The following TAS2R1 variants were observed in gnomAD, a reference collection of about 807,000 sequenced individuals.
The protein encoded by TAS2R1 is taste receptor type 2 member 1.
For missense variants in TAS2R1, 370 were observed against 353.4 expected, an observed-to-expected ratio of 1.05 and a Z score of -0.38; for synonymous variants, 141 against 134.2, an observed-to-expected ratio of 1.05 and a Z score of -0.35.
the TAS2R1 span, among the ~76,000 whole-genome samples, chr5:9,872,931 C>A: frequency 6.6e-6 from 1 of 152,192 alleles, no homozygotes; most frequent in Non-Finnish European, 1.5e-5. Context: ...GTCAGACATG[C>A]TCTGGCCTAA....
the TAS2R1 span, among the ~76,000 whole-genome samples, chr5:9,739,341 G>T: frequency 1.4e-5 from 2 of 145,380 alleles, no homozygotes; most frequent in Admixed American, 1.3e-4. Context: ...TGCAGGTCAG[G>T]GTGTCAACAG....
the TAS2R1 span, among the ~76,000 whole-genome samples, chr5:9,851,300 G>A: frequency 2.6e-5 from 4 of 152,170 alleles, no homozygotes; most frequent in African/African-American, 9.7e-5. Flanking sequence ...GTCTGAAGGC[G>A]CATGTTGGCT....
At position 9,630,010 on chromosome 5, in the gene TAS2R1, A is replaced by T; in HGVS notation, c.23T>A (p.Ile8Asn). MLESHLI[I>N]YFLLAVIQFL... ...TTGTATCACTGCAAGAAGAAAATAG[A>T]TAATGAGGTGAGACTCTAGCATTTT... Residue 8 changes from isoleucine (I) to asparagine (N), a missense_variant, in exon 1 of 1, where the codon ATC becomes AAC. Ile to Asn is a moderately radical substitution (Grantham distance 149, BLOSUM62 -3). Coordinates refer to ENST00000382492, the MANE Select transcript of TAS2R1 (RefSeq NM_019599.3). 1 of 1,580,212 alleles carries T rather than the reference A, an allele frequency of 6.3e-7. No homozygotes were observed.
At chr5:9,699,257 G>T (rs553762256) in intron 1 of TAS2R1, among the ~76,000 whole-genome samples, 1 of 152,302 alleles carries the variant, frequency 6.6e-6, no homozygotes, top group African/African-American at 2.4e-5. Flanking sequence ...GAACATGTAA[G>T]TTCAATCAGA....
At chr5:9,660,705 A>G (rs2126495277) in intron 1 of TAS2R1, among the ~76,000 whole-genome samples, 1 of 152,318 alleles carries the variant, frequency 6.6e-6, no homozygotes, top group Non-Finnish European at 1.5e-5. Context: ...AAGGCTACAT[A>G]TCTTGAGATG....
chr5:9,812,465 AG>A, the TAS2R1 span, among the ~76,000 whole-genome samples: 1 of 152,098 alleles, frequency 6.6e-6, no homozygotes, highest in African/African-American at 2.4e-5. Flanking sequence ...TGTGAAGGTA[AG>A]GGGGGCCAGA....
At chr5:9,643,268 T>G (rs1015755561) in intron 2 of TAS2R1, among the ~76,000 whole-genome samples, 9 of 152,192 alleles carry the variant, frequency 5.9e-5, no homozygotes, top group African/African-American at 2.2e-4. Flanking sequence ...ACACTTAGGC[T>G]GTATGGTATA....
At chr5:9,886,718 C>A in the TAS2R1 span, among the ~76,000 whole-genome samples, 1 of 152,038 alleles carries the variant, frequency 6.6e-6, no homozygotes, top group African/African-American at 2.4e-5. Flanking sequence ...CATTTCAATG[C>A]GTAATCAGAA....
chr5:9,663,543 G>A (rs1195360936), intron 1 of TAS2R1, among the ~76,000 whole-genome samples: 1 of 152,134 alleles, frequency 6.6e-6, no homozygotes, highest in East Asian at 1.9e-4. Context: ...ATTAGGGAAG[G>A]TTTATGTCGT....
At chr5:9,852,703 G>C in the TAS2R1 span, among the ~76,000 whole-genome samples, 1 of 152,146 alleles carries the variant, frequency 6.6e-6, no homozygotes, top group Non-Finnish European at 1.5e-5. Flanking sequence ...GAGACAGTCG[G>C]GCAATAGCCC....
At chr5:9,890,198 C>A in the TAS2R1 span, among the ~76,000 whole-genome samples, 23 of 152,136 alleles carry the variant, frequency 1.5e-4, no homozygotes, top group Admixed American at 1.5e-3. Flanking sequence ...CTAGAAAAGG[C>A]AAGGTAAAAA....
the TAS2R1 span, among the ~76,000 whole-genome samples, chr5:9,755,850 G>A: frequency 3.9e-5 from 6 of 152,188 alleles, no homozygotes; most frequent in African/African-American, 1.2e-4. Flanking sequence ...GCACTGGTGG[G>A]AGTGTAGCAG....
At chr5:9,723,093 T>C in the TAS2R1 span, among the ~76,000 whole-genome samples, 5 of 152,242 alleles carry the variant, frequency 3.3e-5, no homozygotes, top group African/African-American at 4.8e-5. Flanking sequence ...TCTAGGGTCA[T>C]ATTGGCATTT....
the TAS2R1 span, among the ~76,000 whole-genome samples, chr5:9,868,974 C>T: frequency 1.3e-5 from 2 of 152,186 alleles, no homozygotes; most frequent in Admixed American, 1.3e-4. Flanking sequence ...GTCCATATCA[C>T]TATCTGCATT....
chr5:9,725,645 C>A, the TAS2R1 span, among the ~76,000 whole-genome samples: 1 of 152,058 alleles, frequency 6.6e-6, no homozygotes, highest in East Asian at 1.9e-4. Flanking sequence ...CCCCAGCCTC[C>A]CCGACGAGCA....
chr5:9,833,806 G>A, the TAS2R1 span, among the ~76,000 whole-genome samples: 3 of 152,038 alleles, frequency 2.0e-5, no homozygotes, highest in East Asian at 1.9e-4. Flanking sequence ...TAATGGTTTA[G>A]CCCAAAGAAT....
chr5:9,862,980 T>A, the TAS2R1 span: 1 of 152,174 alleles, frequency 6.6e-6, no homozygotes, highest in South Asian at 2.1e-4. Flanking sequence ...CCTCGAAAGA[T>A]CTTGACATGG....
chr5:9,663,209 C>T (rs1023917554), intron 1 of TAS2R1, among the ~76,000 whole-genome samples: 14 of 152,186 alleles, frequency 9.2e-5, no homozygotes, highest in Middle Eastern at 3.4e-3. Flanking sequence ...ATTCTACAAA[C>T]AATATATGTG....
chr5:9,880,678 C>T, the TAS2R1 span, among the ~76,000 whole-genome samples: 1 of 152,080 alleles, frequency 6.6e-6, no homozygotes, highest in African/African-American at 2.4e-5. Context: ...CAAAAGTGTC[C>T]CCAGTGAGAA....
Sources: gnomAD v4.1 joint callset for allele counts (sites outside exome capture counted in the v4.1 genomes callset) on GRCh38, gnomAD v4.1.1 for gene constraint, MANE v1.5 for transcripts, NCBI Gene and HGNC (gene_info 2026-07-23, HGNC 2026-07-21) for gene names.